The following PTPN2 variants were observed in gnomAD, a reference collection of about 807,000 sequenced individuals.
PTPN2 encodes protein tyrosine phosphatase non-receptor type 2.
Under a neutral mutation model 57.3 loss-of-function variants are expected in PTPN2, and 19 were observed. That is an observed-to-expected ratio of 0.33 (90% CI 0.23 to 0.49). PTPN2 has a LOEUF of 0.49. PTPN2 is among the 20% of genes least tolerant of loss of function. The pLI is 0.99. For missense variants in PTPN2, 358 were observed against 501.1 expected, an observed-to-expected ratio of 0.71 and a Z score of 2.73; for synonymous variants, 153 against 164.9, an observed-to-expected ratio of 0.93 and a Z score of 0.55.
At chr18:12,801,862 C>T (rs2041440763) in intron 8 of PTPN2, 108 bp downstream of exon 8, 1 of 1,059,558 alleles carries the variant, frequency 9.4e-7, no homozygotes. Context: ...ATTGTATTTT[C>T]CTAATATAAA....
intron 1 of PTPN2, among the ~76,000 whole-genome samples, chr18:12,878,809 T>A (rs924386972): frequency 8.5e-5 from 13 of 152,184 alleles, no homozygotes; most frequent in South Asian, 2.1e-4. Flanking sequence ...ATTGCACCAC[T>A]GCACTTGTAC....
chr18:12,787,389 C>T (rs796079530), downstream of PTPN2: 47 of 152,260 alleles, frequency 3.1e-4, no homozygotes, highest in African/African-American at 1.1e-3. Flanking sequence ...TTCTTTGACT[C>T]AGTTTTCTCA....
At chr18:12,860,426 G>A (rs1185538753) in intron 1 of PTPN2, among the ~76,000 whole-genome samples, 4 of 151,112 alleles carry the variant, frequency 2.6e-5, no homozygotes, top group African/African-American at 7.3e-5. Flanking sequence ...GTGAAACCTC[G>A]TCTCTACTGA....
intron 1 of PTPN2, among the ~76,000 whole-genome samples, chr18:12,860,005 T>C (rs529220925): frequency 1.3e-5 from 2 of 151,442 alleles, no homozygotes; most frequent in Non-Finnish European, 2.9e-5. Context: ...ATACAAAAAT[T>C]TGGCCAGGTG....
At chr18:12,865,473 T>G (rs1017594866) in intron 1 of PTPN2, among the ~76,000 whole-genome samples, 1 of 147,784 alleles carries the variant, frequency 6.8e-6, no homozygotes, top group South Asian at 2.1e-4. Flanking sequence ...CGGGGCACAG[T>G]GGCTCATGCC....
chr18:12,839,942 TA>T (rs56043954), intron 2 of PTPN2, among the ~76,000 whole-genome samples: 2,574 of 144,418 alleles, frequency 0.018, 29 homozygotes, highest in South Asian at 0.037. Context: ...TCATAAGCTT[TA>T]AAAAAAAAAA....
intron 4 of PTPN2, among the ~76,000 whole-genome samples, chr18:12,827,438 C>T (rs1361119435): frequency 6.6e-6 from 1 of 151,022 alleles, no homozygotes; most frequent in Non-Finnish European, 1.5e-5. Flanking sequence ...CTGTAGTAGC[C>T]CAGGCTGGAG....
intron 7 of PTPN2, among the ~76,000 whole-genome samples, chr18:12,802,410 T>C (rs2041465352): frequency 6.6e-6 from 1 of 152,172 alleles, no homozygotes; most frequent in Non-Finnish European, 1.5e-5. Context: ...CTTAATAAAA[T>C]CTTGTGGACT....
At chr18:12,856,941 T>C (rs113780426) in intron 2 of PTPN2, among the ~76,000 whole-genome samples, 7 of 150,902 alleles carry the variant, frequency 4.6e-5, no homozygotes, top group African/African-American at 1.7e-4. Flanking sequence ...ACACCTGTAA[T>C]CCCAGCTACT....
chr18:12,823,680 A>C (rs1019974121), intron 5 of PTPN2, among the ~76,000 whole-genome samples: 1 of 152,192 alleles, frequency 6.6e-6, no homozygotes, highest in Non-Finnish European at 1.5e-5. Flanking sequence ...GTCTTAAAAA[A>C]TAGGGGACCA....
At chr18:12,884,008 G>A (rs1026440922) in intron 1 of PTPN2, 65 bp downstream of exon 1, 127 of 1,403,386 alleles carry the variant, frequency 9.0e-5, no homozygotes, top group Non-Finnish European at 1.2e-4. Context: ...GAGGGACCCT[G>A]CGGACAGGGC....
intron 1 of PTPN2, among the ~76,000 whole-genome samples, chr18:12,866,477 C>CAAAACAAAACA: frequency 7.6e-6 from 1 of 131,108 alleles, no homozygotes; most frequent in Non-Finnish European, 1.6e-5. Flanking sequence ...CAAAACAAAA[C>CAAAACAAAACA]AAAAAAACAG....
intron 3 of PTPN2, among the ~76,000 whole-genome samples, chr18:12,833,109 G>C (rs886481360): frequency 6.6e-6 from 1 of 152,234 alleles, no homozygotes; most frequent in East Asian, 1.9e-4. Context: ...TAAATCAGAG[G>C]AACAGAGATT....
chr18:12,802,513 C>T (rs1017259297), intron 7 of PTPN2, among the ~76,000 whole-genome samples: 10 of 152,100 alleles, frequency 6.6e-5, no homozygotes, highest in Admixed American at 2.6e-4. Context: ...CCATGAAACT[C>T]GACAGCACAC....
chr18:12,860,418 G>A (rs975223486), intron 1 of PTPN2, among the ~76,000 whole-genome samples: 9 of 151,624 alleles, frequency 5.9e-5, no homozygotes, highest in African/African-American at 1.9e-4. Flanking sequence ...CCAGGATGGT[G>A]AAACCTCGTC....
intron 1 of PTPN2, among the ~76,000 whole-genome samples, chr18:12,876,148 AAAAAC>A (rs1234309368): frequency 6.6e-6 from 1 of 152,066 alleles, no homozygotes; most frequent in African/African-American, 2.4e-5. Context: ...CCCTGTCTCA[AAAAAC>A]AAAACAAAAC....
At chr18:12,830,859 T>G in intron 4 of PTPN2, 84 bp downstream of exon 4, 1 of 1,069,562 alleles carries the variant, frequency 9.3e-7, no homozygotes, top group East Asian at 2.6e-5. Context: ...AACTAAGGAA[T>G]GAATATTGGC....
At chr18:12,866,768 G>C (rs894882822) in intron 1 of PTPN2, among the ~76,000 whole-genome samples, 1 of 152,080 alleles carries the variant, frequency 6.6e-6, no homozygotes, top group Non-Finnish European at 1.5e-5. Context: ...CAGCACTTTG[G>C]GAGGCCGAGG....
rs761207593 is a variant in PTPN2 at position 12,823,816 on chromosome 18, ACTAT to A, written c.495+1990_495+1993del. Among the ~76,000 whole-genome samples the A allele has an allele frequency of 9.8e-5, 15 of 152,290 alleles. No individual in the cohort carries two copies. In the East Asian group the frequency reaches 1.2e-3, roughly 12 times the overall value. ...ATACGGGGATAATAAGAATATTTACACTATCTACACTAACTGAAGACTACTGGTC... is the reference window on the plus strand; with the variant it reads ...ATACGGGGATAATAAGAATATTTACACTACACTAACTGAAGACTACTGGTC... On this transcript the variant is annotated intron_variant, in intron 5 of 8. Coordinates refer to ENST00000309660, the MANE Select transcript of PTPN2 (RefSeq NM_002828.4).
Sources: gnomAD v4.1 joint callset for allele counts (sites outside exome capture counted in the v4.1 genomes callset) on GRCh38, gnomAD v4.1.1 for gene constraint, MANE v1.5 for transcripts, NCBI Gene and HGNC (gene_info 2026-07-23, HGNC 2026-07-21) for gene names.